Variants in DUSP5 observed in about 807,000 individuals in gnomAD.
DUSP5 encodes dual specificity phosphatase 5.
In DUSP5, 22 loss-of-function variants were observed where a neutral mutation model predicts 33.6. The observed-to-expected ratio is 0.66, with a 90% CI of 0.47 to 0.94. The LOEUF (loss-of-function observed/expected upper bound fraction) is 0.94. DUSP5 is among the 40% of genes least tolerant of loss of function. DUSP5 has a pLI of 0.00. For synonymous variants in DUSP5, 270 were observed against 231.1 expected (o/e 1.17, Z -1.53); for missense variants, 551 against 522.1 (o/e 1.06, Z -0.54).
chr10:110,497,950 G>T lies in DUSP5; in HGVS notation c.-172G>T, dbSNP rs1047878135. On this transcript the variant is annotated 5_prime_UTR_variant, in exon 1 of 4. Coordinates refer to ENST00000369583, the MANE Select transcript of DUSP5 (RefSeq NM_004419.4). Reference sequence around the variant, plus strand: ...CGGCCGGGCTGGCTATCGAGCGAGCGGGGCGGGAACGCGGAGTTGCGCCGC... The same window carrying T: ...CGGCCGGGCTGGCTATCGAGCGAGCTGGGCGGGAACGCGGAGTTGCGCCGC... 52 of 374,580 alleles carry T rather than the reference G, an allele frequency of 1.4e-4. No individual in the cohort carries two copies. Among genetic ancestry groups the T allele is most frequent in the African/African-American group, 1.1e-3 (48 of 45,592 alleles). 23.2% of individuals were successfully genotyped at this position (374,580 alleles called of 1,614,324 possible). A position where few individuals can be genotyped will look rare whatever the true frequency, so the allele number is the denominator to read the frequency against.
In DUSP5 at chr10:110,510,434, A is replaced by T. The variant is rs1384409618; in HGVS notation, c.*8A>T. On this transcript the variant is annotated 3_prime_UTR_variant, in exon 4 of 4. Transcript: ENST00000369583. ...ACGGCCACATCCTGCTAAAACTGGG[A>T]TGGAGGAATCGGCCCAGCCCCAAGA... 3.2e-6 allele frequency: 5 copies of T among 1,567,272 alleles called. No individual in the cohort carries two copies. Among genetic ancestry groups the T allele is most frequent in the South Asian group, 2.3e-5 (2 of 86,076 alleles).
In DUSP5 at chr10:110,510,535, C is replaced by G. The variant is rs1860178956; in HGVS notation, c.*109C>G. 5.9e-6 allele frequency: 8 copies of G among 1,359,940 alleles called. No individual in the cohort carries two copies. The South Asian group carries it at 1.1e-4, about 18-fold the overall frequency. 84.2% of individuals were successfully genotyped at this position (1,359,940 alleles called of 1,614,324 possible). On this transcript the variant is annotated 3_prime_UTR_variant, in exon 4 of 4. Transcript: ENST00000369583. ...ATACTGAAGACCTCATTCTGTCATG[C>G]TGCCCCAGTGAGATAGTGAGTGGTC...
At chr10:110,502,138 A>C (rs1432031802) in intron 1 of DUSP5, among the ~76,000 whole-genome samples, 1 of 139,762 alleles carries the variant, frequency 7.2e-6, no homozygotes, top group East Asian at 2.1e-4. Context: ...GATGACTCCA[A>C]ATTGGACCTA....
Position 110,505,247 on chromosome 10 carries a change from C to T in DUSP5, c.529-1688C>T, listed in dbSNP as rs559662041. On this transcript the variant is annotated intron_variant, in intron 2 of 3. Coordinates refer to ENST00000369583, the MANE Select transcript of DUSP5 (RefSeq NM_004419.4). Reference sequence around the variant, plus strand: ...AGTTTTGGGTTTCAGCCCAGCTCTACCACTGACTAGCTCTGACTTGGACAA... The same window carrying T: ...AGTTTTGGGTTTCAGCCCAGCTCTATCACTGACTAGCTCTGACTTGGACAA... Among the ~76,000 whole-genome samples the T allele has an allele frequency of 4.7e-4, 72 of 152,312 alleles. 1 individual carries two copies. The highest frequency in any genetic ancestry group is 1.7e-3 in the African/African-American group (71 of 41,570).
chr10:110,503,803 A>G (rs1860086565), intron 2 of DUSP5, among the ~76,000 whole-genome samples: 1 of 152,234 alleles, frequency 6.6e-6, no homozygotes, highest in South Asian at 2.1e-4. Context: ...CATGGCCTCT[A>G]ATCTAGACAC....
intron 3 of DUSP5, among the ~76,000 whole-genome samples, chr10:110,509,706 A>G (rs1590520094): frequency 6.6e-6 from 1 of 152,270 alleles, no homozygotes; most frequent in East Asian, 1.9e-4. Context: ...GGACTGCTCC[A>G]GGTCCATCGC....
In DUSP5 at chr10:110,510,621, G is replaced by A. The variant is rs1178171548; in HGVS notation, c.*195G>A. 5 of 735,398 alleles carry A rather than the reference G, an allele frequency of 6.8e-6. No homozygotes were observed. In the African/African-American group the frequency reaches 8.9e-5, roughly 13 times the overall value. The allele number at this position is 735,398 out of a possible 1,614,324, so 45.6% of individuals were successfully genotyped here. ...GGTAGGTTCTCGGGACTGAAGGAAG[G>A]CCAAGCCATTACGGGAGCACAGCAT... On this transcript the variant is annotated 3_prime_UTR_variant, in exon 4 of 4. Transcript: ENST00000369583.
At chr10:110,505,202 G>T (rs1860103224) in intron 2 of DUSP5, among the ~76,000 whole-genome samples, 1 of 152,318 alleles carries the variant, frequency 6.6e-6, no homozygotes, top group Non-Finnish European at 1.5e-5. Context: ...ACAAGGCCTT[G>T]CATCTCATGC....
chr10:110,502,609 A>ATTTTTTTT, intron 1 of DUSP5, 112 bp from the exon 2 acceptor site: 1 of 1,320,578 alleles, frequency 7.6e-7, no homozygotes, highest in African/African-American at 1.5e-5. Flanking sequence ...GTACTGGCTT[A>ATTTTTTTT]TTTTTTTTCT....
intron 2 of DUSP5, chr10:110,503,567 T>G (rs1185785603): frequency 6.6e-6 from 1 of 152,216 alleles, no homozygotes; most frequent in Non-Finnish European, 1.5e-5. Flanking sequence ...GGAAGGGGGT[T>G]ACGTAGCACC....
intron 2 of DUSP5, 121 bp from the exon 3 acceptor site, chr10:110,506,813 AC>A (rs1860124295): frequency 2.8e-6 from 3 of 1,090,014 alleles, no homozygotes; most frequent in Non-Finnish European, 4.1e-6. Context: ...TCTGAACTCC[AC>A]TTGGAAACCA....
chr10:110,498,105 C>CCGG lies in DUSP5; in HGVS notation c.-3_-1dup, dbSNP rs560715849. On this transcript the variant is annotated 5_prime_UTR_variant, in exon 1 of 4. Transcript: ENST00000369583. Reference sequence around the variant, plus strand: ...GGGGCGCGCGGCGCGGGGCCGCTGGCCGGCGGCGGCGGCGGCATGAAGGTC... The same window carrying CCGG: ...GGGGCGCGCGGCGCGGGGCCGCTGGCCGGCGGCGGCGGCGGCGGCATGAAGGTC... The CCGG allele has an allele frequency of 1.4e-4, 179 of 1,292,252 alleles. No individual in the cohort carries two copies. In the Middle Eastern group the frequency reaches 4.7e-3, roughly 34 times the overall value. The allele number at this position is 1,292,252 out of a possible 1,614,324, so 80.0% of individuals were successfully genotyped here.
chr10:110,503,249 G>A (rs1476945082), intron 2 of DUSP5, among the ~76,000 whole-genome samples: 7 of 152,234 alleles, frequency 4.6e-5, no homozygotes, highest in Non-Finnish European at 1.5e-5. Flanking sequence ...CAGGCTTCCT[G>A]TGTTGCTTTT....
intron 3 of DUSP5, among the ~76,000 whole-genome samples, chr10:110,508,619 G>A (rs1185774500): frequency 6.6e-6 from 1 of 152,172 alleles, no homozygotes; most frequent in African/African-American, 2.4e-5. Context: ...GTGTCGAGTG[G>A]GCTCCAGAGG....
At chr10:110,502,937 A>G in intron 2 of DUSP5, 68 bp downstream of exon 2, 2 of 1,589,958 alleles carry the variant, frequency 1.3e-6, no homozygotes, top group East Asian at 2.2e-5. Context: ...TTCCTTCCTC[A>G]GCACCTGACT....
At position 110,510,709 on chromosome 10, in the gene DUSP5, A is replaced by C. The variant is rs780016199; in HGVS notation, c.*283A>C. The stretch of plus-strand genomic sequence containing the variant: ...GGACTGCCCAGTCCTTGCACCTCAG[A>C]GTTCGCCTTTTCATTTCAAGCATAA... On this transcript the variant is annotated 3_prime_UTR_variant, in exon 4 of 4. Coordinates refer to ENST00000369583, the MANE Select transcript of DUSP5 (RefSeq NM_004419.4). The C allele has an allele frequency of 2.0e-5, 7 of 352,908 alleles. No homozygotes were observed. Among genetic ancestry groups the C allele is most frequent in the Non-Finnish European group, 3.6e-5 (7 of 196,832 alleles). 21.9% of individuals were successfully genotyped at this position (352,908 alleles called of 1,614,324 possible). A position where few individuals can be genotyped will look rare whatever the true frequency, so the allele number is the denominator to read the frequency against.
chr10:110,504,264 C>G (rs1336854144), intron 2 of DUSP5, among the ~76,000 whole-genome samples: 1 of 152,248 alleles, frequency 6.6e-6, no homozygotes, highest in Admixed American at 6.5e-5. Flanking sequence ...CTTCAAGATT[C>G]ATCTGGGGAA....
At chr10:110,508,157 C>T (rs1178293643) in intron 3 of DUSP5, among the ~76,000 whole-genome samples, 1 of 152,172 alleles carries the variant, frequency 6.6e-6, no homozygotes, top group East Asian at 1.9e-4. Context: ...TTTCTGCTCC[C>T]CAGGAAACCC....
At position 110,498,093 on chromosome 10, in the gene DUSP5, CG is replaced by C; in HGVS notation, c.-25del. 1 of 1,224,158 alleles carries C rather than the reference CG, an allele frequency of 8.2e-7. No homozygotes were observed. Among genetic ancestry groups the C allele is most frequent in the Non-Finnish European group, 1.0e-6 (1 of 982,470 alleles). 75.8% of individuals were successfully genotyped at this position (1,224,158 alleles called of 1,614,324 possible). A position where few individuals can be genotyped will look rare whatever the true frequency, so the allele number is the denominator to read the frequency against. On this transcript the variant is annotated 5_prime_UTR_variant, in exon 1 of 4. Transcript: ENST00000369583. ...GTGGGCACCCGCGGGGCGCGCGGCG[CG>C]GGGCCGCTGGCCGGCGGCGGCGGCG...
Sources: allele counts gnomAD v4.1 joint callset (sites outside exome capture counted in the v4.1 genomes callset), GRCh38; gene constraint gnomAD v4.1.1; transcripts MANE v1.5; gene names NCBI Gene and HGNC (gene_info 2026-07-23, HGNC 2026-07-21).